The following LRMDA variants were observed in gnomAD, a reference collection of about 807,000 sequenced individuals.
The protein encoded by LRMDA is leucine-rich melanocyte differentiation-associated protein.
LRMDA carries 18 observed loss-of-function variants against 29.8 expected under a neutral mutation model. The observed-to-expected ratio is 0.60, with a 90% CI of 0.42 to 0.90. The LOEUF (loss-of-function observed/expected upper bound fraction) is 0.90, where lower values mean the gene tolerates loss of function less well. LRMDA is among the 40% of genes least tolerant of loss of function. The probability of loss-of-function intolerance (pLI) is 0.00; values close to 1 mark genes in which losing one functional copy is unlikely to be tolerated. For synonymous variants in LRMDA, 125 were observed against 109.4 expected (o/e 1.14, Z -0.89); for missense variants, 273 against 273.9 (o/e 1.00, Z 0.02).
chr10:75,800,263 C>T (rs1454165761), intron 2 of LRMDA, among the ~76,000 whole-genome samples: 2 of 152,298 alleles, frequency 1.3e-5, no homozygotes, highest in African/African-American at 2.4e-5. Flanking sequence ...TTGAAGCTTA[C>T]TTTGTCCAAT....
At chr10:76,335,665 G>A (rs1307724626) in intron 6 of LRMDA, among the ~76,000 whole-genome samples, 1 of 152,116 alleles carries the variant, frequency 6.6e-6, no homozygotes, top group Non-Finnish European at 1.5e-5. Context: ...AACTTTAAGT[G>A]GGGGGAGCTT....
intron 2 of LRMDA, among the ~76,000 whole-genome samples, chr10:75,960,378 A>C (rs917005313): frequency 1.4e-5 from 2 of 142,862 alleles, no homozygotes; most frequent in Non-Finnish European, 3.2e-5. Context: ...AAAAACCCAC[A>C]AATGGCTGCA....
intron 2 of LRMDA, among the ~76,000 whole-genome samples, chr10:75,910,110 G>A (rs541042441): frequency 6.6e-6 from 1 of 152,252 alleles, no homozygotes; most frequent in South Asian, 2.1e-4. Flanking sequence ...CTTTGACATT[G>A]ATGTTTTTCA....
intron 5 of LRMDA, among the ~76,000 whole-genome samples, chr10:76,155,012 A>C (rs1163527258): frequency 6.6e-6 from 1 of 152,186 alleles, no homozygotes; most frequent in Non-Finnish European, 1.5e-5. Flanking sequence ...CCAGAACTTA[A>C]GTTACATGAC....
intron 4 of LRMDA, among the ~76,000 whole-genome samples, chr10:76,049,197 C>T (rs992686675): frequency 2.6e-5 from 4 of 152,178 alleles, no homozygotes; most frequent in African/African-American, 4.8e-5. Flanking sequence ...AGCCCATCCT[C>T]CCCACTCCAG....
chr10:76,539,126 G>A (rs1046011618), intron 6 of LRMDA, among the ~76,000 whole-genome samples: 1 of 152,136 alleles, frequency 6.6e-6, no homozygotes. Flanking sequence ...CCACTTCTTA[G>A]AAAAGCTATG....
chr10:76,475,175 G>A (rs1433141308), intron 6 of LRMDA, among the ~76,000 whole-genome samples: 1 of 151,726 alleles, frequency 6.6e-6, no homozygotes, highest in Admixed American at 6.6e-5. Context: ...TAGGGATGAG[G>A]AGGCTAGGGA....
At chr10:75,500,804 T>C (rs1467465180) in intron 2 of LRMDA, among the ~76,000 whole-genome samples, 1 of 152,100 alleles carries the variant, frequency 6.6e-6, no homozygotes, top group Non-Finnish European at 1.5e-5. Context: ...GAGAACAGCA[T>C]GGGGGAAAGC....
intron 6 of LRMDA, among the ~76,000 whole-genome samples, chr10:76,479,129 A>T (rs184142246): frequency 6.5e-4 from 99 of 152,020 alleles, no homozygotes; most frequent in Admixed American, 1.8e-3. Context: ...GTTTCATAAT[A>T]AAAAAAGACT....
chr10:76,182,790 G>T (rs1168293381), intron 5 of LRMDA, among the ~76,000 whole-genome samples: 2 of 152,172 alleles, frequency 1.3e-5, no homozygotes, highest in African/African-American at 4.8e-5. Flanking sequence ...TAAATGAAGA[G>T]TTTGCTACAC....
rs867089207 is a variant in LRMDA, at chr10:75,935,928, C to T, written c.132-100080C>T. Among the ~76,000 whole-genome samples, 7 of 152,154 alleles carry T rather than the reference C, an allele frequency of 4.6e-5. No individual in the cohort carries two copies. In the South Asian group the frequency reaches 6.2e-4, roughly 14 times the overall value. On this transcript the variant is annotated intron_variant, in intron 2 of 6. Coordinates refer to ENST00000611255, the MANE Select transcript of LRMDA (RefSeq NM_001305581.2). ...GGCTGGGTGTGCTTGTGATGCTTGACGGGGCACATCAAATCAGAGGTTTAG... is the reference window on the plus strand; with the variant it reads ...GGCTGGGTGTGCTTGTGATGCTTGATGGGGCACATCAAATCAGAGGTTTAG...
chr10:75,575,450 G>C (rs1368565728), intron 2 of LRMDA, among the ~76,000 whole-genome samples: 1 of 152,108 alleles, frequency 6.6e-6, no homozygotes, highest in African/African-American at 2.4e-5. Flanking sequence ...TTACTTCCAA[G>C]ACAGAATAGG....
intron 2 of LRMDA, among the ~76,000 whole-genome samples, chr10:75,800,778 C>T (rs1843733547): frequency 6.6e-6 from 1 of 152,182 alleles, no homozygotes; most frequent in Non-Finnish European, 1.5e-5. Context: ...CTGTGAGTCA[C>T]ATTTTTATGT....
intron 2 of LRMDA, among the ~76,000 whole-genome samples, chr10:75,757,047 C>T (rs571527441): frequency 6.6e-6 from 1 of 152,320 alleles, no homozygotes; most frequent in Admixed American, 6.5e-5. Flanking sequence ...TAGGAATTTA[C>T]ATTTCTGTCT....
At chr10:76,381,681 A>C (rs1031509857) in intron 6 of LRMDA, among the ~76,000 whole-genome samples, 21 of 152,240 alleles carry the variant, frequency 1.4e-4, no homozygotes, top group African/African-American at 4.3e-4. Context: ...TCTTATTCCT[A>C]CCTATACTTC....
At chr10:75,967,876 G>A (rs1310740855) in intron 2 of LRMDA, among the ~76,000 whole-genome samples, 2 of 152,054 alleles carry the variant, frequency 1.3e-5, no homozygotes, top group South Asian at 2.1e-4. Flanking sequence ...ACAGGGCCCC[G>A]TGAAGAGCCT....
chr10:76,047,251 C>T lies in LRMDA; in HGVS notation c.346C>T (p.Pro116Ser), dbSNP rs1383222932. Residue 116 changes from proline to serine, a missense_variant, in exon 4 of 7, where the codon CCC (proline) becomes TCC (serine). Pro to Ser is a moderately conservative substitution (Grantham distance 74, BLOSUM62 -1). Transcript: ENST00000611255. Reference sequence around the variant, plus strand: ...CAGTCTGCTGGGCAACGTGGCCTGTCCCAACGAGCTGGTCAGCTTGGAAAA... The same window carrying T: ...CAGTCTGCTGGGCAACGTGGCCTGTTCCAACGAGCTGGTCAGCTTGGAAAA... ...YLSLLGNVAC[P>S]NELVSLEKDE... is the part of the protein sequence containing the mutation. 2 of 1,613,856 alleles carry T rather than the reference C, an allele frequency of 1.2e-6. No individual in the cohort carries two copies. Among genetic ancestry groups the T allele is most frequent in the South Asian group, 1.1e-5 (1 of 91,066 alleles).
At chr10:76,276,006 A>AATCTATC (rs1554861587) in intron 5 of LRMDA, among the ~76,000 whole-genome samples, 1 of 146,724 alleles carries the variant, frequency 6.8e-6, no homozygotes, top group East Asian at 2.1e-4. Context: ...CAATCTAGTG[A>AATCTATC]ATCTATCTAT....
At chr10:75,561,620 G>A (rs1481508075) in intron 2 of LRMDA, among the ~76,000 whole-genome samples, 21 of 151,090 alleles carry the variant, frequency 1.4e-4, no homozygotes, top group East Asian at 9.8e-4. Flanking sequence ...TAATTGTGAT[G>A]TTAGGGTGTC....
Sources: allele counts gnomAD v4.1 joint callset (sites outside exome capture counted in the v4.1 genomes callset), GRCh38; gene constraint gnomAD v4.1.1; transcripts MANE v1.5; gene names NCBI Gene and HGNC (gene_info 2026-07-23, HGNC 2026-07-21).